Variants in BRAF observed in about 807,000 individuals in gnomAD.
BRAF encodes B-Raf proto-oncogene, serine/threonine kinase.
BRAF carries 16 observed loss-of-function variants against 104.6 expected under a neutral mutation model. That is an observed-to-expected ratio of 0.15 (90% CI 0.10 to 0.23). BRAF has a LOEUF of 0.23. BRAF is among the 10% of genes least tolerant of loss of function. BRAF has a pLI of 1.00. For synonymous variants in BRAF, 310 were observed against 341.6 expected, an observed-to-expected ratio of 0.91 and a Z score of 1.02; for missense variants, 541 against 937.3, an observed-to-expected ratio of 0.58 and a Z score of 5.52.
chr7:140,774,062 C>T (rs1020387379), intron 14 of BRAF, among the ~76,000 whole-genome samples: 5 of 152,234 alleles, frequency 3.3e-5, no homozygotes, highest in Admixed American at 2.6e-4. Context: ...GAAGATGTGT[C>T]GGTACATTTA....
intron 1 of BRAF, among the ~76,000 whole-genome samples, chr7:140,863,385 T>C (rs2129085224): frequency 1.3e-5 from 2 of 152,242 alleles, no homozygotes; most frequent in East Asian, 3.9e-4. Context: ...AAGATGGGTA[T>C]CAGAAAAATT....
chr7:140,721,841 C>T lies in BRAF; in HGVS notation c.*4653G>A. Reference sequence around the variant, plus strand: ...GGATGCCTTGAGACCTCCACCCTGGCCCCCACAGCGCTTTGGGACAGGATG... The same window carrying T: ...GGATGCCTTGAGACCTCCACCCTGGTCCCCACAGCGCTTTGGGACAGGATG... On this transcript the variant is annotated 3_prime_UTR_variant, in exon 20 of 20. Transcript: ENST00000644969. 7.4e-7 allele frequency: 1 copy of T among 1,344,116 alleles called. No homozygotes were observed. The allele number at this position is 1,344,116 out of a possible 1,614,324, so 83.3% of individuals were successfully genotyped here. A position where few individuals can be genotyped will look rare whatever the true frequency, so the allele number is the denominator to read the frequency against.
intron 1 of BRAF, among the ~76,000 whole-genome samples, chr7:140,860,191 G>A (rs1586437261): frequency 1.3e-5 from 2 of 151,994 alleles, no homozygotes; most frequent in African/African-American, 4.8e-5. Context: ...GGTTCACATT[G>A]GCATTATAAT....
chr7:140,809,878 A>G (rs1474440615), intron 3 of BRAF, among the ~76,000 whole-genome samples: 1 of 148,596 alleles, frequency 6.7e-6, no homozygotes, highest in Non-Finnish European at 1.5e-5. Context: ...AAAGGGAAAA[A>G]AAAAGTAATC....
In BRAF at chr7:140,725,119, GA is replaced by G. The variant is rs35255828; in HGVS notation, c.*1374del. The G allele has an allele frequency of 3.8e-6, 4 of 1,042,108 alleles. No individual in the cohort carries two copies. Among genetic ancestry groups the G allele is most frequent in the East Asian group, 5.7e-5 (1 of 17,416 alleles). The allele number at this position is 1,042,108 out of a possible 1,614,324, so 64.6% of individuals were successfully genotyped here. A position where few individuals can be genotyped will look rare whatever the true frequency, so the allele number is the denominator to read the frequency against. On this transcript the variant is annotated 3_prime_UTR_variant, in exon 20 of 20. Transcript: ENST00000644969. Reference sequence around the variant, plus strand: ...CCAACCTTTTGAAGACCAGGCTTGGGAAAAAAGGAAGAAGGAGAATGAATGG... The same window carrying G: ...CCAACCTTTTGAAGACCAGGCTTGGGAAAAAGGAAGAAGGAGAATGAATGG...
At chr7:140,855,679 T>A (rs1452189412) in intron 1 of BRAF, among the ~76,000 whole-genome samples, 1 of 151,606 alleles carries the variant, frequency 6.6e-6, no homozygotes, top group African/African-American at 2.4e-5. Context: ...CTAAATTACT[T>A]TAAGAAGCTA....
At chr7:140,826,206 G>T (rs998104974) in intron 3 of BRAF, among the ~76,000 whole-genome samples, 2 of 151,994 alleles carry the variant, frequency 1.3e-5, no homozygotes, top group Admixed American at 6.6e-5. Context: ...TATGTAATTT[G>T]CTGTAACTAA....
chr7:140,916,801 T>G (rs1292680850), intron 1 of BRAF, among the ~76,000 whole-genome samples: 2 of 152,130 alleles, frequency 1.3e-5, no homozygotes, highest in African/African-American at 4.8e-5. Flanking sequence ...CTGAATAAAA[T>G]TATGAGTCTT....
chr7:140,905,864 G>A (rs1047438755), intron 1 of BRAF, among the ~76,000 whole-genome samples: 52 of 151,618 alleles, frequency 3.4e-4, no homozygotes, highest in Admixed American at 1.4e-3. Context: ...CGAGGCGGGC[G>A]GATCACGAGG....
rs529834247 is a variant in BRAF, at chr7:140,896,499, C to T, written c.138+28067G>A. On this transcript the variant is annotated intron_variant, in intron 1 of 19. Transcript: ENST00000644969. ...ATCCCAACACGTTGGGAGGCTGAGG[C>T]GGGTGGATCACCTGAGGTCAAGAGT... Among the ~76,000 whole-genome samples, 6 of 152,012 alleles carry T rather than the reference C, an allele frequency of 3.9e-5. No homozygotes were observed. In the East Asian group the frequency reaches 5.8e-4, roughly 15 times the overall value.
intron 1 of BRAF, among the ~76,000 whole-genome samples, chr7:140,865,633 T>C (rs147645235): frequency 2.6e-5 from 4 of 152,164 alleles, no homozygotes; most frequent in African/African-American, 9.7e-5. Flanking sequence ...ATGAAACAAA[T>C]AGTATCACTT....
intron 8 of BRAF, among the ~76,000 whole-genome samples, chr7:140,793,694 T>C (rs915604607): frequency 1.3e-5 from 2 of 152,122 alleles, no homozygotes; most frequent in Admixed American, 1.3e-4. Flanking sequence ...GGTGCAAACA[T>C]AGCTCACTGC....
chr7:140,777,855 T>C (rs1800482070), intron 13 of BRAF, 136 bp downstream of exon 12: 1 of 879,554 alleles, frequency 1.1e-6, no homozygotes, highest in Non-Finnish European at 1.8e-6. Flanking sequence ...GACAAAAATA[T>C]ACTCAGACAT....
At chr7:140,816,003 G>C (rs1229621547) in intron 3 of BRAF, among the ~76,000 whole-genome samples, 2 of 152,148 alleles carry the variant, frequency 1.3e-5, no homozygotes, top group Non-Finnish European at 2.9e-5. Context: ...TACTTTATTA[G>C]TATTCTAAGG....
At chr7:140,823,867 G>C (rs1194025444) in intron 3 of BRAF, 1 of 152,164 alleles carries the variant, frequency 6.6e-6, no homozygotes, top group African/African-American at 2.4e-5. Context: ...ATGGGTGTGA[G>C]GTGGTATCTC....
chr7:140,816,975 GA>G lies in BRAF; in HGVS notation c.505-7981del, dbSNP rs922471111. Among the ~76,000 whole-genome samples, 90 of 141,392 alleles carry G rather than the reference GA, an allele frequency of 6.4e-4. No homozygotes were observed. In the East Asian group the frequency reaches 0.015, roughly 24 times the overall value. The allele number at this position is 141,392 out of a possible 152,430, so 92.8% of individuals were successfully genotyped here. On this transcript the variant is annotated intron_variant, in intron 3 of 19. Transcript: ENST00000644969. ...TCCTAGCTAGAGCAATTGGATAAGAGAAAAAAAAAAGGGTATCCAAATTGGA... is the reference window on the plus strand; with the variant it reads ...TCCTAGCTAGAGCAATTGGATAAGAGAAAAAAAAAGGGTATCCAAATTGGA...
chr7:140,716,972 C>T (rs1224071323), downstream of BRAF, among the ~76,000 whole-genome samples: 3 of 152,126 alleles, frequency 2.0e-5, no homozygotes, highest in Non-Finnish European at 4.4e-5. Context: ...CCTGAGGTGG[C>T]GTGTGGACCT....
chr7:140,878,409 GAC>G (rs1812501493), intron 1 of BRAF, among the ~76,000 whole-genome samples: 1 of 152,000 alleles, frequency 6.6e-6, no homozygotes, highest in African/African-American at 2.4e-5. Flanking sequence ...AAAAAAAACT[GAC>G]AAATCATTCT....
rs184273823 is a variant in BRAF at position 140,794,509 on chromosome 7, G to A, written c.981-42C>T. 91 of 1,583,988 alleles carry A rather than the reference G, an allele frequency of 5.7e-5. No homozygotes were observed. The South Asian group carries it at 6.0e-4, about 10-fold the overall frequency. On this transcript the variant is annotated intron_variant, in intron 7 of 19. Transcript: ENST00000644969. Reference sequence around the variant, plus strand: ...ATTGGAAGATAAGATTCAGAGTAACGATATAAAGGTAATAATATTTAAAAA... The same window carrying A: ...ATTGGAAGATAAGATTCAGAGTAACAATATAAAGGTAATAATATTTAAAAA...
Sources: allele counts gnomAD v4.1 joint callset (sites outside exome capture counted in the v4.1 genomes callset), GRCh38; gene constraint gnomAD v4.1.1; transcripts MANE v1.5; gene names NCBI Gene and HGNC (gene_info 2026-07-23, HGNC 2026-07-21).